AGPAT4: variants seen among roughly 807,000 people sequenced by gnomAD.
The protein encoded by AGPAT4 is 1-acyl-sn-glycerol-3-phosphate acyltransferase delta.
Under a neutral mutation model 48.0 loss-of-function variants are expected in AGPAT4, and 15 were observed. The observed-to-expected ratio is 0.31, with a 90% CI of 0.21 to 0.48. AGPAT4 has a LOEUF of 0.48. Among genes scored for constraint, AGPAT4 ranks in the 20% least tolerant of loss-of-function variants. The pLI, the probability that AGPAT4 is intolerant of heterozygous loss-of-function variation, is 0.99. For synonymous variants in AGPAT4, 178 were observed against 198.7 expected (o/e 0.90, Z 0.88); for missense variants, 314 against 482.5 (o/e 0.65, Z 3.27).
chr6:161,224,451 C>G (rs1781914317), intron 2 of AGPAT4, among the ~76,000 whole-genome samples: 1 of 151,840 alleles, frequency 6.6e-6, no homozygotes. Context: ...CAAGACCAGC[C>G]TGGGCAACAT....
intron 1 of AGPAT4, among the ~76,000 whole-genome samples, chr6:161,250,675 G>T (rs1308638296): frequency 1.3e-5 from 2 of 152,018 alleles, no homozygotes; most frequent in Non-Finnish European, 2.9e-5. Flanking sequence ...GGTACCTAGT[G>T]AATATTGACA....
In AGPAT4 at chr6:161,229,728, A is replaced by C. The variant is rs911532548; in HGVS notation, c.178+2308T>G. On this transcript the variant is annotated intron_variant, in intron 2 of 8. Transcript: ENST00000320285. The surrounding 1 kb of genome is among the most constrained non-coding windows in gnomAD (Gnocchi z 6.0). ...ACTGTATTCTCTTTTTCCAGTAGCCAGGACTCCTCCTCTAGAGGGAGGAAT... is the reference window on the plus strand; with the variant it reads ...ACTGTATTCTCTTTTTCCAGTAGCCCGGACTCCTCCTCTAGAGGGAGGAAT... Among the ~76,000 whole-genome samples the C allele has an allele frequency of 6.6e-6, 1 of 152,100 alleles. No homozygotes were observed. The highest frequency in any genetic ancestry group is 6.5e-5 in the Admixed American group (1 of 15,278).
intron 2 of AGPAT4, among the ~76,000 whole-genome samples, chr6:161,179,589 G>A (rs1780529510): frequency 6.6e-6 from 1 of 152,062 alleles, no homozygotes; most frequent in Admixed American, 6.5e-5. Flanking sequence ...TGAACAACAT[G>A]GGCTCAGACT....
Position 161,144,104 on chromosome 6 carries a change from A to T in AGPAT4, c.843+2420T>A. The T allele has an allele frequency of 1.9e-6, 1 of 532,414 alleles. No homozygotes were observed. Among genetic ancestry groups the T allele is most frequent in the South Asian group, 1.4e-5 (1 of 71,388 alleles). The allele number at this position is 532,414 out of a possible 1,614,324, so 33.0% of individuals were successfully genotyped here. On this transcript the variant is annotated intron_variant, in intron 7 of 8. Transcript: ENST00000320285. The surrounding 1 kb of genome is among the most constrained non-coding windows in gnomAD (Gnocchi z 6.6). ...TAGGCTCCTAGCAAAATAGGCTGAT[A>T]CAGAAAGGAATTGTCCCTTGATGTC...
intron 2 of AGPAT4, among the ~76,000 whole-genome samples, chr6:161,227,077 A>C (rs577093849): frequency 1.6e-4 from 24 of 152,354 alleles, no homozygotes; most frequent in African/African-American, 5.5e-4. Flanking sequence ...TAGCAGTCAC[A>C]CACCTGGAGA....
At position 161,184,800 on chromosome 6, in the gene AGPAT4, T is replaced by C. The variant is rs1254892461; in HGVS notation, c.179-18383A>G. Reference sequence around the variant, plus strand: ...GCAATGAGAGCTTGGTAGCCATAAATACCATCAGCCCTTAGATTTTGTTCT... The same window carrying C: ...GCAATGAGAGCTTGGTAGCCATAAACACCATCAGCCCTTAGATTTTGTTCT... On this transcript the variant is annotated intron_variant, in intron 2 of 8. Coordinates refer to ENST00000320285, the MANE Select transcript of AGPAT4 (RefSeq NM_020133.3). This position sits in a 1 kb window ranked among gnomAD's most constrained non-coding sequence, Gnocchi z 4.8. Among the ~76,000 whole-genome samples, 3 of 152,148 alleles carry C rather than the reference T, an allele frequency of 2.0e-5. No homozygotes were observed. Among genetic ancestry groups the C allele is most frequent in the Non-Finnish European group, 4.4e-5 (3 of 68,022 alleles).
rs1355298948 is a variant in AGPAT4, at chr6:161,235,894, G to A, written c.-89-3592C>T. Among the ~76,000 whole-genome samples the A allele has an allele frequency of 1.3e-5, 2 of 152,108 alleles. No homozygotes were observed. The highest frequency in any genetic ancestry group is 4.8e-5 in the African/African-American group (2 of 41,418). On this transcript the variant is annotated intron_variant, in intron 1 of 8. Transcript: ENST00000320285. The surrounding 1 kb of genome is among the most constrained non-coding windows in gnomAD (Gnocchi z 6.2). ...CAGTGCTGGGGATTACAAATTCAAC[G>A]TGAGACTTGGGCAGGGACACAGATA...
In AGPAT4 at chr6:161,264,969, TGTAA is replaced by T. The variant is rs1377438150; in HGVS notation, c.-90+8965_-90+8968del. ...GGAAGGAAGTAAAGGTGGCCCCTCC[TGTAA>T]GTGAGAAGCACCAGGGACGGAAAGG... On this transcript the variant is annotated intron_variant, in intron 1 of 8. Coordinates refer to ENST00000320285, the MANE Select transcript of AGPAT4 (RefSeq NM_020133.3). This position sits in a 1 kb window ranked among gnomAD's most constrained non-coding sequence, Gnocchi z 6.8. Among the ~76,000 whole-genome samples the T allele has an allele frequency of 6.6e-6, 1 of 152,080 alleles. No individual in the cohort carries two copies. The highest frequency in any genetic ancestry group is 2.4e-5 in the African/African-American group (1 of 41,398).
At chr6:161,185,303 T>C (rs1780737454) in intron 2 of AGPAT4, among the ~76,000 whole-genome samples, 1 of 146,074 alleles carries the variant, frequency 6.8e-6, no homozygotes, top group Non-Finnish European at 1.5e-5. Flanking sequence ...TTTTTTTTTT[T>C]TTCCAAAGAC....
At chr6:161,228,609 T>C (rs1323882949) in intron 2 of AGPAT4, among the ~76,000 whole-genome samples, 1 of 135,270 alleles carries the variant, frequency 7.4e-6, no homozygotes, top group Non-Finnish European at 1.5e-5. Flanking sequence ...CTGACATTAA[T>C]AGATTCTCCT....
At chr6:161,153,532 C>T in intron 4 of AGPAT4, 33 bp from the exon 5 acceptor site, 3 of 1,609,346 alleles carry the variant, frequency 1.9e-6, no homozygotes, top group Non-Finnish European at 1.7e-6. Flanking sequence ...CGCACGCAGC[C>T]TCGGGGTCAC....
chr6:161,165,674 C>G lies in AGPAT4; in HGVS notation c.348+574G>C. ...GACGACAAAAGTCAACTGAAGAGACCCAGTTCCAAAGGCATGCAAGCTACG... is the reference window on the plus strand; with the variant it reads ...GACGACAAAAGTCAACTGAAGAGACGCAGTTCCAAAGGCATGCAAGCTACG... On this transcript the variant is annotated intron_variant, in intron 3 of 8. Transcript: ENST00000320285. The surrounding 1 kb of genome is among the most constrained non-coding windows in gnomAD (Gnocchi z 5.5). 1 of 1,299,910 alleles carries G rather than the reference C, an allele frequency of 7.7e-7. No individual in the cohort carries two copies. The highest frequency in any genetic ancestry group is 1.0e-6 in the Non-Finnish European group (1 of 984,816). The allele number at this position is 1,299,910 out of a possible 1,614,324, so 80.5% of individuals were successfully genotyped here.
chr6:161,253,311 G>A (rs1238797334), intron 1 of AGPAT4, among the ~76,000 whole-genome samples: 2 of 149,590 alleles, frequency 1.3e-5, no homozygotes, highest in African/African-American at 4.9e-5. Context: ...CTGGAGTGCA[G>A]TGGCGCAATC....
intron 2 of AGPAT4, among the ~76,000 whole-genome samples, chr6:161,209,135 T>C (rs114156263): frequency 0.039 from 5,974 of 152,298 alleles, 361 homozygotes; most frequent in African/African-American, 0.13. Flanking sequence ...AATGAGGCAT[T>C]CCTCATCGAA....
In AGPAT4 at chr6:161,166,553, A is replaced by G; in HGVS notation, c.179-136T>C. On this transcript the variant is annotated intron_variant, in intron 2 of 8. Transcript: ENST00000320285. This position sits in a 1 kb window ranked among gnomAD's most constrained non-coding sequence, Gnocchi z 6.7. ...GCAAAGTTCTGGATCGTTGCAGCAC[A>G]GACCTTGGTCCTTGAAAGGGTTCAG... The G allele has an allele frequency of 1.0e-6, 1 of 971,556 alleles. No homozygotes were observed. The highest frequency in any genetic ancestry group is 1.9e-5 in the South Asian group (1 of 53,018). 60.2% of individuals were successfully genotyped at this position (971,556 alleles called of 1,614,324 possible). A position where few individuals can be genotyped will look rare whatever the true frequency, so the allele number is the denominator to read the frequency against.
In AGPAT4 at chr6:161,268,568, G is replaced by A. The variant is rs759411355; in HGVS notation, c.-90+5370C>T. On this transcript the variant is annotated intron_variant, in intron 1 of 8. Transcript: ENST00000320285. ...AATTCAAAATGCACCTCTCGTCTTG[G>A]AGGATCCCACACAGAAATGACCATG... 3.3e-5 allele frequency among the ~76,000 whole-genome samples: 5 copies of A among 152,242 alleles called. 1 individual carries two copies. The South Asian group carries it at 1.0e-3, about 32-fold the overall frequency.
chr6:161,263,238 C>A (rs1249278537), intron 1 of AGPAT4, among the ~76,000 whole-genome samples: 1 of 152,178 alleles, frequency 6.6e-6, no homozygotes, highest in African/African-American at 2.4e-5. Flanking sequence ...GAAGACCAGG[C>A]TCTCTTTAAA....
In AGPAT4 at chr6:161,272,674, C is replaced by T. The variant is rs1367326732; in HGVS notation, c.-90+1264G>A. Among the ~76,000 whole-genome samples the T allele has an allele frequency of 6.6e-6, 1 of 151,398 alleles. No homozygotes were observed. Among genetic ancestry groups the T allele is most frequent in the Admixed American group, 6.6e-5 (1 of 15,170 alleles). On this transcript the variant is annotated intron_variant, in intron 1 of 8. Coordinates refer to ENST00000320285, the MANE Select transcript of AGPAT4 (RefSeq NM_020133.3). This position sits in a 1 kb window ranked among gnomAD's most constrained non-coding sequence, Gnocchi z 4.2. ...TTTAACGTAGAACTCAAGATGTGCC[C>T]TGTTCTCCCTGCCCGCCTCCCATTT...
chr6:161,209,187 C>T (rs1310000862), intron 2 of AGPAT4, among the ~76,000 whole-genome samples: 1 of 152,140 alleles, frequency 6.6e-6, no homozygotes, highest in African/African-American at 2.4e-5. Context: ...CACTCCAGCA[C>T]CCTCTGGAGA....
Sources: gnomAD v4.1 joint callset for allele counts (sites outside exome capture counted in the v4.1 genomes callset) on GRCh38, gnomAD v4.1.1 for gene constraint, Gnocchi (gnomAD v3.1) non-coding constraint, MANE v1.5 for transcripts, NCBI Gene and HGNC (gene_info 2026-07-23, HGNC 2026-07-21) for gene names.